Variants in BIRC3 observed in about 807,000 individuals in gnomAD.
BIRC3 encodes baculoviral IAP repeat containing 3.
BIRC3 carries 26 observed loss-of-function variants against 59.0 expected under a neutral mutation model. That is an observed-to-expected ratio of 0.44 (90% confidence interval 0.32 to 0.61). The LOEUF is 0.61. BIRC3 is among the 20% of genes least tolerant of loss of function. The pLI is 0.04. For missense variants in BIRC3, 641 were observed against 711.5 expected, an observed-to-expected ratio of 0.90 and a Z score of 1.13; for synonymous variants, 243 against 249.2, an observed-to-expected ratio of 0.98 and a Z score of 0.24.
chr11:102,338,444 C>T lies in BIRC3; in HGVS notation c.*1342C>T, dbSNP rs192625169. 51 of 228,754 alleles carry T rather than the reference C, an allele frequency of 2.2e-4. No individual in the cohort carries two copies. The highest frequency in any genetic ancestry group is 5.7e-4 in the Admixed American group (10 of 17,642). The allele number at this position is 228,754 out of a possible 1,614,324, so 14.2% of individuals were successfully genotyped here. A position where few individuals can be genotyped will look rare whatever the true frequency, so the allele number is the denominator to read the frequency against. On this transcript the variant is annotated 3_prime_UTR_variant, in exon 9 of 9. Transcript: ENST00000263464. ...TTATTTAATCACAGATTTACATCAC[C>T]GGGGAGCCTTCGTAATGAAGATCCA...
intron 6 of BIRC3, among the ~76,000 whole-genome samples, chr11:102,335,070 A>G (rs1409948448): frequency 6.6e-6 from 1 of 152,114 alleles, no homozygotes; most frequent in East Asian, 1.9e-4. Flanking sequence ...GTGAAACCTC[A>G]TCTCTACTAA....
Position 102,337,107 on chromosome 11 carries a change from G to T in BIRC3, c.*5G>T. On this transcript the variant is annotated 3_prime_UTR_variant, in exon 9 of 9. Coordinates refer to ENST00000263464, the MANE Select transcript of BIRC3 (RefSeq NM_001165.5). ...GTTCGTACATTTCTTTCATGAAGAAGAACCAAAACATCGTCTAAACTTTAG... is the reference window on the plus strand; with the variant it reads ...GTTCGTACATTTCTTTCATGAAGAATAACCAAAACATCGTCTAAACTTTAG... 6.7e-7 allele frequency: 1 copy of T among 1,482,952 alleles called. No individual in the cohort carries two copies. Among genetic ancestry groups the T allele is most frequent in the South Asian group, 1.5e-5 (1 of 67,896 alleles). The allele number at this position is 1,482,952 out of a possible 1,614,324, so 91.9% of individuals were successfully genotyped here.
chr11:102,329,325 G>A (rs1342587292), intron 5 of BIRC3, among the ~76,000 whole-genome samples: 1 of 152,138 alleles, frequency 6.6e-6, no homozygotes, highest in African/African-American at 2.4e-5. Context: ...GGAAAGAATA[G>A]AACACGTTAG....
At chr11:102,336,294 T>C (rs1951196538) in intron 7 of BIRC3, 74 bp downstream of exon 7, 3 of 1,422,254 alleles carry the variant, frequency 2.1e-6, no homozygotes, top group Non-Finnish European at 1.9e-6. Flanking sequence ...AATTTATGAC[T>C]ACTGAAAATA....
Position 102,324,932 on chromosome 11 carries a change from T to C in BIRC3, c.423T>C (p.Ser141=). The change falls in exon 2 of 9, where the codon TCT becomes TCC. Residue 141 remains serine, a synonymous_variant. Transcript: ENST00000263464. ...ATTTCCGTGGCTCTTATTCAAACTC[T>C]CCATCAAATCCTGTAAACTCCAGAG... ...SGYFRGSYSN[S]PSNPVNSRAN... is the part of the protein sequence containing the mutation. 1 of 1,614,196 alleles carries C rather than the reference T, an allele frequency of 6.2e-7. No homozygotes were observed. The highest frequency in any genetic ancestry group is 1.1e-5 in the South Asian group (1 of 91,092).
At chr11:102,327,416 G>A (rs955383059) in intron 3 of BIRC3, among the ~76,000 whole-genome samples, 2 of 152,076 alleles carry the variant, frequency 1.3e-5, no homozygotes, top group African/African-American at 4.8e-5. Flanking sequence ...TGAGGCAGGA[G>A]GATCACTTGA....
rs1179279039 is a variant in BIRC3 at position 102,338,432 on chromosome 11, G to T, written c.*1330G>T. 4.4e-6 allele frequency: 1 copy of T among 229,334 alleles called. No individual in the cohort carries two copies. Among genetic ancestry groups the T allele is most frequent in the African/African-American group, 2.2e-5 (1 of 45,150 alleles). 14.2% of individuals were successfully genotyped at this position (229,334 alleles called of 1,614,324 possible). On this transcript the variant is annotated 3_prime_UTR_variant, in exon 9 of 9. Transcript: ENST00000263464. ...AACTTAACAAATTTATTTAATCACAGATTTACATCACCGGGGAGCCTTCGT... is the reference window on the plus strand; with the variant it reads ...AACTTAACAAATTTATTTAATCACATATTTACATCACCGGGGAGCCTTCGT...
Position 102,328,008 on chromosome 11 carries a change from C to T in BIRC3, c.954-44C>T, listed in dbSNP as rs753343371. ...TTTATGTTATTACATTTTCATTTCA[C>T]TTGTATAAATAATCCCTCAAATTTT... On this transcript the variant is annotated intron_variant, in intron 3 of 8. Transcript: ENST00000263464. 99 of 1,450,126 alleles carry T rather than the reference C, an allele frequency of 6.8e-5. 2 individuals carry two copies. In the South Asian group the frequency reaches 8.1e-4, roughly 12 times the overall value. The allele number at this position is 1,450,126 out of a possible 1,614,324, so 89.8% of individuals were successfully genotyped here. A position where few individuals can be genotyped will look rare whatever the true frequency, so the allele number is the denominator to read the frequency against.
intron 6 of BIRC3, 77 bp downstream of exon 6, chr11:102,331,318 C>G: frequency 7.4e-7 from 1 of 1,356,138 alleles, no homozygotes; most frequent in Non-Finnish European, 9.6e-7. Flanking sequence ...ATATACTCAT[C>G]TAGCATATCT....
rs767261862 is a variant in BIRC3, at chr11:102,324,833, C to G, written c.324C>G (p.Thr108=). 49 of 1,614,210 alleles carry G rather than the reference C, an allele frequency of 3.0e-5. No homozygotes were observed. Among genetic ancestry groups the G allele is most frequent in the Non-Finnish European group, 4.2e-5 (49 of 1,180,028 alleles). ...ATTCCGTTAACAACTTGGAAGCTAC[C>G]TCTCAGCCTACTTTTCCTTCTTCAG... ...SLNSVNNLEA[T]SQPTFPSSVT... The change falls in exon 2 of 9, where the codon ACC becomes ACG. Residue 108 remains threonine, a synonymous_variant. Coordinates refer to ENST00000263464, the MANE Select transcript of BIRC3 (RefSeq NM_001165.5).
intron 1 of BIRC3, among the ~76,000 whole-genome samples, chr11:102,319,015 C>T (rs1951002782): frequency 6.6e-6 from 1 of 150,498 alleles, no homozygotes; most frequent in South Asian, 2.1e-4. Flanking sequence ...AGGGTAGTTG[C>T]TAGAGTGGAA....
At chr11:102,325,846 C>T (rs934783400) in intron 3 of BIRC3, among the ~76,000 whole-genome samples, 2 of 151,786 alleles carry the variant, frequency 1.3e-5, no homozygotes, top group African/African-American at 2.4e-5. Context: ...TGTAGAAAAG[C>T]ACAGAGAAGG....
intron 8 of BIRC3, 29 bp from the exon 9 acceptor site, chr11:102,336,880 T>G (rs1951202236): frequency 6.3e-7 from 1 of 1,590,544 alleles, no homozygotes; most frequent in Non-Finnish European, 8.5e-7. Context: ...GCAAACTGCC[T>G]TTTATTAAAA....
chr11:102,327,839 AGCAATAC>A (rs1951100650), intron 3 of BIRC3, among the ~76,000 whole-genome samples: 1 of 152,054 alleles, frequency 6.6e-6, no homozygotes, highest in African/African-American at 2.4e-5. Context: ...TTTTTTTAAA[AGCAATAC>A]AATAGAATCA....
Position 102,338,553 on chromosome 11 carries a change from G to A in BIRC3, c.*1451G>A. 1 of 229,298 alleles carries A rather than the reference G, an allele frequency of 4.4e-6. No individual in the cohort carries two copies. Among genetic ancestry groups the A allele is most frequent in the Non-Finnish European group, 8.6e-6 (1 of 115,612 alleles). The allele number at this position is 229,298 out of a possible 1,614,324, so 14.2% of individuals were successfully genotyped here. ...TGAAGAATAGTGATTGGAAAAAAAG[G>A]ATATGATCTAATGGGAATAGACACA... On this transcript the variant is annotated 3_prime_UTR_variant, in exon 9 of 9. Transcript: ENST00000263464.
intron 1 of BIRC3, chr11:102,319,863 T>C (rs1185622361): frequency 6.6e-6 from 1 of 152,176 alleles, no homozygotes; most frequent in African/African-American, 2.4e-5. Context: ...TATTTGTGTA[T>C]ATTTATTGTA....
In BIRC3 at chr11:102,324,604, G is replaced by T. The variant is rs1327480353; in HGVS notation, c.95G>T (p.Arg32Leu). 8 of 1,614,102 alleles carry T rather than the reference G, an allele frequency of 5.0e-6. No homozygotes were observed. The highest frequency in any genetic ancestry group is 6.8e-6 in the Non-Finnish European group (8 of 1,179,996). The change falls in exon 2 of 9, where the codon CGA (arginine) becomes CTA (leucine). Residue 32 changes from arginine to leucine, a missense_variant. Around this residue, in one of 4 missense-constraint regions of BIRC3, gnomAD observed 329 missense variants for 365.6 expected, o/e 0.90. Transcript: ENST00000263464. Reference protein sequence around the residue: ...LKYDLSCELYRMSTYSTFPAG... With the variant: ...LKYDLSCELYLMSTYSTFPAG... ...TACGACTTGTCATGTGAACTGTACC[G>T]AATGTCTACGTATTCCACTTTTCCT... is the stretch of plus-strand genomic sequence containing the variant.
chr11:102,334,778 G>A (rs193058531), intron 6 of BIRC3, among the ~76,000 whole-genome samples: 77 of 152,296 alleles, frequency 5.1e-4, no homozygotes, highest in Middle Eastern at 3.4e-3. Flanking sequence ...AGGTCTTGAA[G>A]GAGAATTAGA....
Position 102,336,231 on chromosome 11 carries a change from G to T in BIRC3, c.1579+11G>T. ...ATGAGCATTTATTTGGTGAGTGATAGAAAATTATTTTTAAAAATTTTCTAA... is the reference window on the plus strand; with the variant it reads ...ATGAGCATTTATTTGGTGAGTGATATAAAATTATTTTTAAAAATTTTCTAA... On this transcript the variant is annotated intron_variant, in intron 7 of 8. Transcript: ENST00000263464. The T allele has an allele frequency of 1.3e-6, 2 of 1,560,320 alleles. No individual in the cohort carries two copies. The highest frequency in any genetic ancestry group is 1.7e-6 in the Non-Finnish European group (2 of 1,157,274).
Sources: allele counts gnomAD v4.1 joint callset (sites outside exome capture counted in the v4.1 genomes callset), GRCh38; gene constraint gnomAD v4.1.1; regional missense constraint gnomAD v4.1.1; transcripts MANE v1.5; gene names NCBI Gene and HGNC (gene_info 2026-07-23, HGNC 2026-07-21).